The following CCDC149 variants were observed in gnomAD, a reference collection of about 807,000 sequenced individuals.
CCDC149 encodes the protein coiled-coil domain-containing protein 149.
Under a neutral mutation model 59.9 loss-of-function variants are expected in CCDC149, and 45 were observed. That is an observed-to-expected ratio of 0.75 (90% CI 0.59 to 0.96). The LOEUF (loss-of-function observed/expected upper bound fraction) is 0.96. Ranked by LOEUF, CCDC149 falls within the 40% of genes least tolerant of loss-of-function variation. The pLI is 0.00. For synonymous variants in CCDC149, 245 were observed against 260.6 expected (o/e 0.94, Z 0.58); for missense variants, 584 against 664.7 (o/e 0.88, Z 1.33).
At position 24,837,253 on chromosome 4, in the gene CCDC149, C is replaced by G; in HGVS notation, c.637G>C (p.Val213Leu). The G allele has an allele frequency of 6.2e-7, 1 of 1,614,206 alleles. No homozygotes were observed. Among genetic ancestry groups the G allele is most frequent in the Non-Finnish European group, 8.5e-7 (1 of 1,180,024 alleles). The change falls in exon 6 of 13, where the codon GTG (valine) becomes CTG (leucine). Residue 213 changes from valine (V) to leucine (L), a missense_variant. By Grantham distance (32) the Val-to-Leu change is conservative. Transcript: ENST00000635206. This position sits in a 1 kb window ranked among gnomAD's most constrained non-coding sequence, Gnocchi z 4.3. ...CTGTTCTCCATACACAGGGCGTCCA[C>G]GTCAATGATGCGGTTCTCGTGCCCA...
chr4:24,892,177 G>A (rs1720567024), intron 1 of CCDC149, among the ~76,000 whole-genome samples: 2 of 152,182 alleles, frequency 1.3e-5, no homozygotes, highest in African/African-American at 4.8e-5. Context: ...AAGACCCGGG[G>A]TGTGAGTCAG....
chr4:24,897,303 G>T (rs1720901239), intron 1 of CCDC149, among the ~76,000 whole-genome samples: 1 of 152,196 alleles, frequency 6.6e-6, no homozygotes, highest in African/African-American at 2.4e-5. Context: ...TGTTTTCCAG[G>T]AGTGCAGGAT....
At position 24,918,043 on chromosome 4, in the gene CCDC149, C is replaced by T. The variant is rs570835914; in HGVS notation, c.-64-22925G>A. Among the ~76,000 whole-genome samples, 26 of 151,656 alleles carry T rather than the reference C, an allele frequency of 1.7e-4. No individual in the cohort carries two copies. In the South Asian group the frequency reaches 5.4e-3, roughly 32 times the overall value. On this transcript the variant is annotated intron_variant, in intron 1 of 12. Coordinates refer to the CCDC149 transcript ENST00000389609. ...GGACTGACCCTGTCGTTCTGGAAGC[C>T]TTATGAAAAAAAAAATCTGATGAAT...
chr4:24,805,007 G>A (rs375092939), downstream of CCDC149, among the ~76,000 whole-genome samples: 14 of 152,150 alleles, frequency 9.2e-5, no homozygotes, highest in Non-Finnish European at 7.3e-5. Flanking sequence ...GAAGAAGGTG[G>A]GCAGAGAAGG....
rs1211797250 is a variant in CCDC149 at position 24,874,254 on chromosome 4, TTTTTTGTTTTGTTTTTTTTTG to T, written c.226-556_226-536del. 1.4e-3 allele frequency among the ~76,000 whole-genome samples: 95 copies of T among 69,492 alleles called. 5 individuals carry two copies. Among genetic ancestry groups the T allele is most frequent in the Admixed American group, 1.7e-3 (9 of 5,454 alleles). The allele number at this position is 69,492 out of a possible 152,430, so 45.6% of individuals were successfully genotyped here. The stretch of plus-strand genomic sequence containing the variant: ...AGTCCTATTAGATTTGTTTTTTTTT[TTTTTTGTTTTGTTTTTTTTTG>T]TTTTTTTGCCTTAAAAGGATTCTGG... On this transcript the variant is annotated intron_variant, in intron 2 of 12. Transcript: ENST00000635206.
chr4:24,922,508 C>A (rs1052410144), intron 1 of CCDC149, among the ~76,000 whole-genome samples: 3 of 152,178 alleles, frequency 2.0e-5, no homozygotes, highest in Non-Finnish European at 4.4e-5. Context: ...CAAGATGGGG[C>A]ATTTTGGACT....
intron 1 of CCDC149, among the ~76,000 whole-genome samples, chr4:24,905,037 G>C (rs1666118772): frequency 6.6e-6 from 1 of 152,048 alleles, no homozygotes; most frequent in African/African-American, 2.4e-5. Flanking sequence ...GAGTAGCTGG[G>C]ATTACAGGTG....
At chr4:24,946,486 GT>G (rs990151034) in intron 1 of CCDC149, among the ~76,000 whole-genome samples, 1 of 152,030 alleles carries the variant, frequency 6.6e-6, no homozygotes, top group African/African-American at 2.4e-5. Flanking sequence ...AAATATCTTG[GT>G]TTTTTTCCTA....
chr4:24,876,473 A>T, intron 2 of CCDC149, 63 bp downstream of exon 2: 2 of 1,497,452 alleles, frequency 1.3e-6, no homozygotes, highest in South Asian at 2.7e-5. Flanking sequence ...AGCATGTGAA[A>T]ATCTCTTTAT....
rs1375387606 is a variant in CCDC149 at position 24,839,319 on chromosome 4, A to G, written c.373-1047T>C. ...CTCAGCCTCCCGAGTAGCTGGGACT[A>G]CAGGCGCCCACCACCATGCCCAGTT... On this transcript the variant is annotated intron_variant, in intron 4 of 12. Coordinates refer to ENST00000635206, the MANE Select transcript of CCDC149 (RefSeq NM_001330643.2). 4.6e-5 allele frequency among the ~76,000 whole-genome samples: 7 copies of G among 151,870 alleles called. No individual in the cohort carries two copies. The East Asian group carries it at 1.2e-3, about 25-fold the overall frequency.
At chr4:24,864,444 C>T (rs758267665) in intron 3 of CCDC149, among the ~76,000 whole-genome samples, 52 of 152,298 alleles carry the variant, frequency 3.4e-4, no homozygotes, top group Non-Finnish European at 5.0e-4. Context: ...GTGACCCTCA[C>T]CCAGGAACCA....
chr4:24,946,571 T>A (rs1258722143), intron 1 of CCDC149, among the ~76,000 whole-genome samples: 1 of 152,226 alleles, frequency 6.6e-6, no homozygotes, highest in Non-Finnish European at 1.5e-5. Context: ...TCTTTTTGAT[T>A]GACTTTCCAT....
At chr4:24,877,302 T>C (rs903505779) in intron 1 of CCDC149, among the ~76,000 whole-genome samples, 4 of 152,012 alleles carry the variant, frequency 2.6e-5, no homozygotes, top group Non-Finnish European at 5.9e-5. Flanking sequence ...TCTTTCACCT[T>C]AGCTTCCCAA....
At position 24,837,719 on chromosome 4, in the gene CCDC149, C is replaced by G. The variant is rs897092147; in HGVS notation, c.490-319G>C. ...CATACTTTTTCAAATCCACTCTAGACCCAGAAATCTTGTTCTGCTCTTCAG... is the reference window on the plus strand; with the variant it reads ...CATACTTTTTCAAATCCACTCTAGAGCCAGAAATCTTGTTCTGCTCTTCAG... On this transcript the variant is annotated intron_variant, in intron 5 of 12. Coordinates refer to ENST00000635206, the MANE Select transcript of CCDC149 (RefSeq NM_001330643.2). This position sits in a 1 kb window ranked among gnomAD's most constrained non-coding sequence, Gnocchi z 4.3. Among the ~76,000 whole-genome samples the G allele has an allele frequency of 2.0e-5, 3 of 152,174 alleles. No individual in the cohort carries two copies. The highest frequency in any genetic ancestry group is 4.4e-5 in the Non-Finnish European group (3 of 68,036).
chr4:24,887,405 G>A (rs956724192), intron 1 of CCDC149, among the ~76,000 whole-genome samples: 3 of 152,084 alleles, frequency 2.0e-5, no homozygotes, highest in Non-Finnish European at 4.4e-5. Context: ...TGCTAATCCA[G>A]ACAGAGTTCT....
At chr4:24,884,270 C>A (rs1384581796) in intron 1 of CCDC149, among the ~76,000 whole-genome samples, 1 of 152,200 alleles carries the variant, frequency 6.6e-6, no homozygotes, top group African/African-American at 2.4e-5. Context: ...CAAACATTTA[C>A]CACTGTGTTA....
chr4:24,880,882 C>G (rs1719800126), intron 1 of CCDC149, among the ~76,000 whole-genome samples: 1 of 152,150 alleles, frequency 6.6e-6, no homozygotes, highest in African/African-American at 2.4e-5. Context: ...GTTTCCACAC[C>G]TGGAAGATGA....
intron 1 of CCDC149, among the ~76,000 whole-genome samples, chr4:24,895,699 G>A (rs1720808982): frequency 1.3e-5 from 2 of 152,134 alleles, no homozygotes; most frequent in Non-Finnish European, 2.9e-5. Flanking sequence ...GGGTGGGGTG[G>A]TGAGTCTGAG....
intron 1 of CCDC149, among the ~76,000 whole-genome samples, chr4:24,944,861 A>C (rs555385610): frequency 2.0e-5 from 3 of 152,336 alleles, no homozygotes; most frequent in Non-Finnish European, 4.4e-5. Context: ...GGCAACTATA[A>C]GTCTAAGGGA....
Sources: gnomAD v4.1 joint callset for allele counts (sites outside exome capture counted in the v4.1 genomes callset) on GRCh38, gnomAD v4.1.1 for gene constraint, Gnocchi (gnomAD v3.1) non-coding constraint, MANE v1.5 for transcripts, NCBI Gene and HGNC (gene_info 2026-07-23, HGNC 2026-07-21) for gene names.